WHRN: variants seen among roughly 807,000 people sequenced by gnomAD.
WHRN encodes CASK-interacting protein CIP98.
A neutral mutation model predicts 68.3 loss-of-function variants in WHRN; 41 were observed. The ratio of observed to expected loss-of-function variants is 0.60; its 90% CI spans 0.47 to 0.78. The LOEUF is 0.78. Ranked by LOEUF, WHRN falls within the 30% of genes least tolerant of loss-of-function variation. The pLI, the probability that WHRN is intolerant of heterozygous loss-of-function variation, is 0.00. For missense variants in WHRN, 1,243 were observed against 1,244.7 expected (o/e 1.00, Z 0.02); for synonymous variants, 560 against 561.3 (o/e 1.00, Z 0.03).
chr9:114,488,826 G>A (rs1310904942), intron 1 of WHRN, among the ~76,000 whole-genome samples: 1 of 152,094 alleles, frequency 6.6e-6, no homozygotes, highest in East Asian at 1.9e-4. Flanking sequence ...CCTCTTACAG[G>A]GACCACTAAC....
rs1185946172 is a variant in WHRN, at chr9:114,423,583, G to A, written c.1417-60C>T. On this transcript the variant is annotated intron_variant, in intron 6 of 11. Transcript: ENST00000362057. Reference sequence around the variant, plus strand: ...AGCGCTACTAGAAGGTGGAACAGGGGCCCTGCTACCCCCAAAGGACTGGCA... The same window carrying A: ...AGCGCTACTAGAAGGTGGAACAGGGACCCTGCTACCCCCAAAGGACTGGCA... 4.7e-6 allele frequency: 7 copies of A among 1,505,030 alleles called. No individual in the cohort carries two copies. The East Asian group carries it at 1.4e-4, about 29-fold the overall frequency. 93.2% of individuals were successfully genotyped at this position (1,505,030 alleles called of 1,614,324 possible).
At chr9:114,446,125 T>C (rs1838801707) in intron 3 of WHRN, among the ~76,000 whole-genome samples, 1 of 152,106 alleles carries the variant, frequency 6.6e-6, no homozygotes, top group African/African-American at 2.4e-5. Flanking sequence ...CAAACGTCCA[T>C]CAACTAATGA....
chr9:114,466,911 CCAGGGGTCTCCTATCATCT>C (rs1840752980), intron 2 of WHRN, among the ~76,000 whole-genome samples: 1 of 151,470 alleles, frequency 6.6e-6, no homozygotes, highest in African/African-American at 2.4e-5. Context: ...GTCTGCCTCC[CCAGGGGTCTCCTATCATCT>C]CAGGGGTCTC....
chr9:114,490,858 T>C lies in WHRN; in HGVS notation c.619-12087A>G, dbSNP rs1842916438. On this transcript the variant is annotated intron_variant, in intron 1 of 11. Coordinates refer to ENST00000362057, the MANE Select transcript of WHRN (RefSeq NM_015404.4). ...GCTGTCCACCCCTTTGCAAAACAAC[T>C]CATAAGGACAGAACAGATTCCAGAA... 2.0e-5 allele frequency among the ~76,000 whole-genome samples: 3 copies of C among 152,214 alleles called. No individual in the cohort carries two copies. The South Asian group carries it at 6.2e-4, about 32-fold the overall frequency.
chr9:114,477,782 C>G (rs541208516), intron 2 of WHRN, among the ~76,000 whole-genome samples: 1 of 152,332 alleles, frequency 6.6e-6, no homozygotes, highest in South Asian at 2.1e-4. Flanking sequence ...ATGGCCAGGG[C>G]TGGTTTCTGT....
chr9:114,404,027 C>T lies in WHRN; in HGVS notation c.2287G>A (p.Asp763Asn). ...LSDSGQTLSE[D>N]SGVDAGEAEA... ...GCCTCGCCAGCATCCACACCACTGT[C>T]CTCGCTTAGAGTCTGCCCGCTGTCC... The change falls in exon 10 of 12, where the codon GAC (aspartate) becomes AAC (asparagine). Residue 763 changes from aspartate (D) to asparagine (N), a missense_variant. Coordinates refer to ENST00000362057, the MANE Select transcript of WHRN (RefSeq NM_015404.4). The T allele has an allele frequency of 6.2e-7, 1 of 1,613,472 alleles. No homozygotes were observed. The highest frequency in any genetic ancestry group is 8.5e-7 in the Non-Finnish European group (1 of 1,180,036).
intron 1 of WHRN, among the ~76,000 whole-genome samples, chr9:114,500,994 T>A (rs1008860520): frequency 6.6e-6 from 1 of 152,156 alleles, no homozygotes; most frequent in Non-Finnish European, 1.5e-5. Context: ...AGATTAGACA[T>A]TCTAAATGCC....
chr9:114,476,765 G>A (rs552363498), intron 2 of WHRN, among the ~76,000 whole-genome samples: 2 of 152,142 alleles, frequency 1.3e-5, no homozygotes, highest in South Asian at 2.1e-4. Context: ...CCACAGCGCT[G>A]AGCCTCAGGT....
intron 3 of WHRN, among the ~76,000 whole-genome samples, chr9:114,426,860 C>T (rs1836918550): frequency 6.6e-6 from 1 of 152,110 alleles, no homozygotes; most frequent in Admixed American, 6.5e-5. Context: ...AAAATGTAAA[C>T]AAAACTTTAA....
chr9:114,466,490 T>A, intron 2 of WHRN, 98 bp from the exon 3 acceptor site: 1 of 1,561,272 alleles, frequency 6.4e-7, no homozygotes, highest in African/African-American at 1.3e-5. Context: ...GAAGAGCGCA[T>A]CTTATCCGAC....
chr9:114,403,273 C>T lies in WHRN; in HGVS notation c.2485G>A (p.Ala829Thr), dbSNP rs139597771. 206 of 1,614,008 alleles carry T rather than the reference C, an allele frequency of 1.3e-4. No individual in the cohort carries two copies. The highest frequency in any genetic ancestry group is 1.7e-4 in the Non-Finnish European group (198 of 1,180,044). Residue 829 changes from alanine to threonine, a missense_variant, in exon 11 of 12, where the codon GCC becomes ACC. Physicochemically the swap from Ala to Thr is moderately conservative, Grantham distance 58. Transcript: ENST00000362057. ...CGGGTGTTGGCGCCACCCTCGATGG[C>T]GATGCCCAGGGTGGCCGCACTTTTC... Reference protein sequence around the residue: ...VKKSAATLGIAIEGGANTRQP... With the variant: ...VKKSAATLGITIEGGANTRQP...
At chr9:114,501,827 G>C (rs1188656632) in intron 1 of WHRN, among the ~76,000 whole-genome samples, 3 of 152,222 alleles carry the variant, frequency 2.0e-5, no homozygotes, top group Non-Finnish European at 4.4e-5. Context: ...CAGCACTGCA[G>C]TTTACAAAGA....
At position 114,500,660 on chromosome 9, in the gene WHRN, C is replaced by G. The variant is rs569704862; in HGVS notation, c.618+3524G>C. Among the ~76,000 whole-genome samples, 45 of 152,268 alleles carry G rather than the reference C, an allele frequency of 3.0e-4. No individual in the cohort carries two copies. In the South Asian group the frequency reaches 8.9e-3, roughly 30 times the overall value. On this transcript the variant is annotated intron_variant, in intron 1 of 11. Transcript: ENST00000362057. ...TATATGCACATATCCCAGCAGTGCC[C>G]CGCTACCCTGTGTTCTGCTACCGCA...
At chr9:114,449,166 G>A (rs1408118209) in intron 3 of WHRN, among the ~76,000 whole-genome samples, 16 of 152,310 alleles carry the variant, frequency 1.1e-4, no homozygotes, top group Admixed American at 7.8e-4. Flanking sequence ...TAAACCATAT[G>A]TACCCACAAG....
At chr9:114,501,597 C>CT (rs1843934984) in intron 1 of WHRN, among the ~76,000 whole-genome samples, 1 of 150,898 alleles carries the variant, frequency 6.6e-6, no homozygotes, top group East Asian at 2.0e-4. Flanking sequence ...CTGAATCTCT[C>CT]CGTTTGGGAA....
Position 114,500,726 on chromosome 9 carries a change from A to AT in WHRN, c.618+3457dup, listed in dbSNP as rs545830998. 1.9e-3 allele frequency among the ~76,000 whole-genome samples: 283 copies of AT among 152,316 alleles called. 4 individuals are homozygous for AT. The South Asian group carries it at 0.031, about 17-fold the overall frequency. On this transcript the variant is annotated intron_variant, in intron 1 of 11. Coordinates refer to ENST00000362057, the MANE Select transcript of WHRN (RefSeq NM_015404.4). ...GAAGGCAAGTGAGCAAGTGAATTTGATTTTGAATGCTCCCAGGGCGGTGCT... is the reference window on the plus strand; with the variant it reads ...GAAGGCAAGTGAGCAAGTGAATTTGATTTTTGAATGCTCCCAGGGCGGTGCT...
At chr9:114,422,230 G>A (rs1226798223) in intron 7 of WHRN, among the ~76,000 whole-genome samples, 2 of 152,146 alleles carry the variant, frequency 1.3e-5, no homozygotes, top group African/African-American at 2.4e-5. Flanking sequence ...GGGAGCAACC[G>A]CCTGCTTAAG....
At chr9:114,409,999 G>C (rs568070400) in intron 7 of WHRN, among the ~76,000 whole-genome samples, 1 of 151,988 alleles carries the variant, frequency 6.6e-6, no homozygotes, top group African/African-American at 2.4e-5. Flanking sequence ...CTACATGACC[G>C]GGCCCTTTCC....
At chr9:114,485,996 A>G (rs915274786) in intron 1 of WHRN, among the ~76,000 whole-genome samples, 3 of 152,194 alleles carry the variant, frequency 2.0e-5, no homozygotes, top group Non-Finnish European at 2.9e-5. Context: ...CTGGGGCAAC[A>G]TCGCAAGATT....
Sources: allele counts gnomAD v4.1 joint callset (sites outside exome capture counted in the v4.1 genomes callset), GRCh38; gene constraint gnomAD v4.1.1; transcripts MANE v1.5; gene names NCBI Gene and HGNC (gene_info 2026-07-23, HGNC 2026-07-21).